Variants in DIP2B observed in about 807,000 individuals in gnomAD.
The protein encoded by DIP2B is disco-interacting protein 2 homolog B.
A neutral mutation model predicts 198.0 loss-of-function variants in DIP2B; 76 were observed. The ratio of observed to expected loss-of-function variants is 0.38; its 90% confidence interval spans 0.32 to 0.46. The LOEUF (loss-of-function observed/expected upper bound fraction) is 0.46. Ranked by LOEUF, DIP2B falls within the 20% of genes least tolerant of loss-of-function variation. The pLI is 0.99. For synonymous variants in DIP2B, 701 were observed against 739.1 expected (o/e 0.95, Z 0.84); for missense variants, 1,559 against 1,978.4 (o/e 0.79, Z 4.02).
chr12:50,630,514 A>G (rs1938025156), intron 2 of DIP2B, among the ~76,000 whole-genome samples: 1 of 152,048 alleles, frequency 6.6e-6, no homozygotes, highest in Non-Finnish European at 1.5e-5. Context: ...TTCTTCTTTC[A>G]TGAGTAACTG....
At position 50,695,260 on chromosome 12, in the gene DIP2B, T is replaced by C. The variant is rs1208159395; in HGVS notation, c.1720-7T>C. On this transcript the variant is annotated splice_region_variant and splice_polypyrimidine_tract_variant and intron_variant, in intron 14 of 37. Coordinates refer to ENST00000301180, the MANE Select transcript of DIP2B (RefSeq NM_173602.3). ...TTGATTACTTTTCTTCTTTCTTTGTTTTTCAGAATGTAATGAATAAGATGC... is the reference window on the plus strand; with the variant it reads ...TTGATTACTTTTCTTCTTTCTTTGTCTTTCAGAATGTAATGAATAAGATGC... 6.2e-7 allele frequency: 1 copy of C among 1,610,150 alleles called. No homozygotes were observed. Among genetic ancestry groups the C allele is most frequent in the South Asian group, 1.1e-5 (1 of 89,982 alleles).
At chr12:50,727,192 A>T (rs1939952839) in intron 28 of DIP2B, among the ~76,000 whole-genome samples, 1 of 152,230 alleles carries the variant, frequency 6.6e-6, no homozygotes, top group Non-Finnish European at 1.5e-5. Context: ...GATTAATATA[A>T]CACATACTAA....
At position 50,504,998 on chromosome 12, in the gene DIP2B, T is replaced by C. The variant is rs1262719239; in HGVS notation, c.-143T>C. The C allele has an allele frequency of 7.3e-6, 4 of 545,930 alleles. No homozygotes were observed. Among genetic ancestry groups the C allele is most frequent in the Non-Finnish European group, 1.3e-5 (4 of 313,890 alleles). 33.8% of individuals were successfully genotyped at this position (545,930 alleles called of 1,614,324 possible). On this transcript the variant is annotated 5_prime_UTR_variant, in exon 1 of 38. Coordinates refer to ENST00000301180, the MANE Select transcript of DIP2B (RefSeq NM_173602.3). ...GCCGTCGCGCTCACGTGACCTTTGC[T>C]CATGGCGGCGGCGGCGGCGGCGGCG...
At chr12:50,614,418 A>G (rs1565845445) in intron 1 of DIP2B, among the ~76,000 whole-genome samples, 2 of 151,914 alleles carry the variant, frequency 1.3e-5, no homozygotes. Flanking sequence ...TCTGGGTGAT[A>G]TCATTCACAC....
At chr12:50,593,605 G>A (rs1958838607) in intron 1 of DIP2B, among the ~76,000 whole-genome samples, 1 of 151,092 alleles carries the variant, frequency 6.6e-6, no homozygotes, top group African/African-American at 2.4e-5. Context: ...GCCCATCAGA[G>A]ATTACTGAAT....
intron 28 of DIP2B, 65 bp downstream of exon 28, chr12:50,724,951 A>G (rs141461090): frequency 2.0e-6 from 3 of 1,497,390 alleles, no homozygotes; most frequent in African/African-American, 1.4e-5. Context: ...GATCTCCTCC[A>G]TTCTCATGCC....
chr12:50,640,975 A>G, intron 3 of DIP2B, 123 bp downstream of exon 3: 2 of 1,185,222 alleles, frequency 1.7e-6, no homozygotes, highest in Non-Finnish European at 2.3e-6. Context: ...GTTTTATATT[A>G]ACTCATTCAC....
At chr12:50,551,702 C>T (rs571111734) in intron 1 of DIP2B, among the ~76,000 whole-genome samples, 2 of 152,276 alleles carry the variant, frequency 1.3e-5, no homozygotes, top group East Asian at 3.9e-4. Context: ...CCTTGGCCTC[C>T]CAAAGTCTTG....
intron 1 of DIP2B, among the ~76,000 whole-genome samples, chr12:50,553,368 T>C (rs926047941): frequency 6.6e-6 from 1 of 152,230 alleles, no homozygotes; most frequent in African/African-American, 2.4e-5. Flanking sequence ...TTTGTTTTGC[T>C]GACTGTTGTA....
At chr12:50,718,205 A>T (rs746395837) in intron 23 of DIP2B, among the ~76,000 whole-genome samples, 1 of 152,090 alleles carries the variant, frequency 6.6e-6, no homozygotes, top group Non-Finnish European at 1.5e-5. Context: ...GCCATTATTC[A>T]CTTTTAATTG....
chr12:50,527,349 C>T (rs1472665572), intron 1 of DIP2B, among the ~76,000 whole-genome samples: 1 of 152,188 alleles, frequency 6.6e-6, no homozygotes, highest in Non-Finnish European at 1.5e-5. Context: ...TATCTCAGGT[C>T]TCTTTGACTA....
chr12:50,653,328 CTTTTTTTTTTTTCTTTTCTTTT>C (rs1158194898), intron 3 of DIP2B, among the ~76,000 whole-genome samples: 2 of 116,310 alleles, frequency 1.7e-5, no homozygotes, highest in Non-Finnish European at 3.4e-5. Context: ...GTCTTTCTTT[CTTTTTTTTTTTTCTTTTCTTTT>C]TTTTTTTTTT....
At chr12:50,719,873 A>G (rs1046535542) in intron 25 of DIP2B, among the ~76,000 whole-genome samples, 5 of 147,628 alleles carry the variant, frequency 3.4e-5, no homozygotes, top group African/African-American at 1.2e-4. Flanking sequence ...TATATATTAT[A>G]TTAAATATAA....
intron 1 of DIP2B, among the ~76,000 whole-genome samples, chr12:50,594,713 A>T (rs1205936977): frequency 1.3e-5 from 2 of 152,196 alleles, no homozygotes; most frequent in Non-Finnish European, 2.9e-5. Flanking sequence ...AAGTCATCGA[A>T]AATATCAAAA....
At chr12:50,726,739 A>T (rs1939942955) in intron 28 of DIP2B, among the ~76,000 whole-genome samples, 2 of 146,276 alleles carry the variant, frequency 1.4e-5, no homozygotes, top group Admixed American at 1.4e-4. Context: ...GGGTTCACAC[A>T]ACCCTCCTGC....
intron 4 of DIP2B, among the ~76,000 whole-genome samples, chr12:50,662,970 G>A (rs1176325778): frequency 6.6e-6 from 1 of 152,122 alleles, no homozygotes; most frequent in African/African-American, 2.4e-5. Context: ...TTAGCCAGGT[G>A]TGGTGGTGCG....
At position 50,681,446 on chromosome 12, in the gene DIP2B, A is replaced by C. The variant is rs116111929; in HGVS notation, c.1206+683A>C. ...GAGACCCTAACAACAACAACAACAA[A>C]AAAAAAGCCTCATACATCTTTTAAA... On this transcript the variant is annotated intron_variant, in intron 9 of 37. Transcript: ENST00000301180. 7.7e-3 allele frequency among the ~76,000 whole-genome samples: 1,175 copies of C among 152,220 alleles called. 13 individuals carry two copies. The highest frequency in any genetic ancestry group is 0.025 in the African/African-American group (1,018 of 41,514).
chr12:50,597,435 A>C lies in DIP2B; in HGVS notation c.101-28541A>C, dbSNP rs188338420. On this transcript the variant is annotated intron_variant, in intron 1 of 37. Coordinates refer to ENST00000301180, the MANE Select transcript of DIP2B (RefSeq NM_173602.3). ...TAACTGGAGTACGCAGACAGCAGCTATCTCACTTTTTTGATTATTCTAAAC... is the reference window on the plus strand; with the variant it reads ...TAACTGGAGTACGCAGACAGCAGCTCTCTCACTTTTTTGATTATTCTAAAC... Among the ~76,000 whole-genome samples the C allele has an allele frequency of 1.2e-4, 19 of 152,366 alleles. No homozygotes were observed. The East Asian group carries it at 3.7e-3, about 29-fold the overall frequency.
intron 31 of DIP2B, 68 bp from the exon 32 acceptor site, chr12:50,732,298 A>G (rs1940056891): frequency 6.4e-7 from 1 of 1,562,984 alleles, no homozygotes; most frequent in African/African-American, 1.4e-5. Context: ...GAGCTAGAAC[A>G]GTGGCCTTAC....
Sources: allele counts gnomAD v4.1 joint callset (sites outside exome capture counted in the v4.1 genomes callset), GRCh38; gene constraint gnomAD v4.1.1; transcripts MANE v1.5; gene names NCBI Gene and HGNC (gene_info 2026-07-23, HGNC 2026-07-21).